The following NALCN variants were observed in gnomAD, a reference collection of about 807,000 sequenced individuals.
NALCN encodes the protein sodium leak channel, non-selective, also known as sodium leak channel NALCN.
NALCN carries 111 observed loss-of-function variants against 225.3 expected under a neutral mutation model. That is an observed-to-expected ratio of 0.49 (90% CI 0.42 to 0.58). NALCN has a LOEUF of 0.58. Ranked by LOEUF, NALCN falls within the 20% of genes least tolerant of loss-of-function variation. The probability of loss-of-function intolerance (pLI) is 0.00; values close to 1 mark genes in which losing one functional copy is unlikely to be tolerated. For synonymous variants in NALCN, 764 were observed against 769.0 expected, an observed-to-expected ratio of 0.99 and a Z score of 0.11; for missense variants, 1,378 against 2,202.4, an observed-to-expected ratio of 0.63 and a Z score of 7.49.
At chr13:101,370,038 GTTAATA>G (rs2046493391) in intron 6 of NALCN, among the ~76,000 whole-genome samples, 1 of 151,894 alleles carries the variant, frequency 6.6e-6, no homozygotes, top group African/African-American at 2.4e-5. Context: ...TTGTCATCAT[GTTAATA>G]TTATCTGTCT....
intron 6 of NALCN, among the ~76,000 whole-genome samples, chr13:101,375,730 C>T (rs1361205828): frequency 6.6e-6 from 1 of 152,036 alleles, no homozygotes; most frequent in Non-Finnish European, 1.5e-5. Context: ...AGACAAATTC[C>T]TATGTGAAGA....
At chr13:101,402,797 G>A (rs1012139253) in intron 1 of NALCN, among the ~76,000 whole-genome samples, 4 of 152,176 alleles carry the variant, frequency 2.6e-5, no homozygotes, top group East Asian at 1.9e-4. Flanking sequence ...CTGAGAGAGC[G>A]ACATGAGCCA....
At chr13:101,293,553 C>T (rs1442476248) in intron 7 of NALCN, among the ~76,000 whole-genome samples, 2 of 152,206 alleles carry the variant, frequency 1.3e-5, no homozygotes, top group African/African-American at 4.8e-5. Context: ...TCCACTCATA[C>T]ATGTTTTAGT....
At chr13:101,081,912 C>G (rs1312967723) in intron 33 of NALCN, among the ~76,000 whole-genome samples, 1 of 152,110 alleles carries the variant, frequency 6.6e-6, no homozygotes, top group Non-Finnish European at 1.5e-5. Context: ...GAGTCTCGCT[C>G]TGTCACCCAG....
intron 6 of NALCN, among the ~76,000 whole-genome samples, chr13:101,354,854 C>T (rs923112485): frequency 6.6e-5 from 10 of 152,106 alleles, no homozygotes; most frequent in African/African-American, 9.7e-5. Context: ...GACATACTAA[C>T]GACTCCCTGA....
chr13:101,397,408 CAT>C (rs1566651363), intron 2 of NALCN, among the ~76,000 whole-genome samples: 1 of 150,230 alleles, frequency 6.7e-6, no homozygotes, highest in Non-Finnish European at 1.5e-5. Flanking sequence ...ACGTATATAA[CAT>C]ATATACATAT....
At chr13:101,144,929 G>A (rs984131017) in intron 15 of NALCN, 33 bp from the exon 16 acceptor site, 3 of 1,593,050 alleles carry the variant, frequency 1.9e-6, no homozygotes, top group African/African-American at 1.4e-5. Context: ...AAAAAAAGGG[G>A]GAACCTATAA....
At chr13:101,395,426 T>C (rs541118372) in intron 2 of NALCN, 61 bp from the exon 3 acceptor site, 2 of 1,511,258 alleles carry the variant, frequency 1.3e-6, no homozygotes, top group East Asian at 4.6e-5. Flanking sequence ...ACTTGTATTA[T>C]GAACCACACT....
chr13:101,266,602 C>T (rs949383944), intron 10 of NALCN, among the ~76,000 whole-genome samples: 8 of 152,152 alleles, frequency 5.3e-5, no homozygotes, highest in African/African-American at 1.9e-4. Flanking sequence ...CTTAGTAAAA[C>T]AAAGTCTCCT....
chr13:101,300,747 C>T (rs570658277), intron 7 of NALCN, among the ~76,000 whole-genome samples: 65 of 152,332 alleles, frequency 4.3e-4, no homozygotes, highest in African/African-American at 1.4e-3. Context: ...AGGCTTGCCA[C>T]GTGGCATATC....
chr13:101,280,262 T>A (rs890178271), intron 10 of NALCN, among the ~76,000 whole-genome samples: 2 of 152,178 alleles, frequency 1.3e-5, no homozygotes, highest in Non-Finnish European at 2.9e-5. Flanking sequence ...TCACACTGAA[T>A]TACCTGACCC....
chr13:101,160,662 T>C (rs1416288744), intron 15 of NALCN, among the ~76,000 whole-genome samples: 1 of 152,146 alleles, frequency 6.6e-6, no homozygotes, highest in Non-Finnish European at 1.5e-5. Flanking sequence ...TTTGTTTTGT[T>C]TTTGTTTTTT....
intron 15 of NALCN, among the ~76,000 whole-genome samples, chr13:101,175,873 T>G (rs2038938248): frequency 6.6e-6 from 1 of 152,234 alleles, no homozygotes; most frequent in Admixed American, 6.5e-5. Context: ...ATACTCACTA[T>G]GGGCACCCAG....
intron 13 of NALCN, among the ~76,000 whole-genome samples, chr13:101,200,676 G>A (rs1429911576): frequency 6.6e-6 from 1 of 152,104 alleles, no homozygotes; most frequent in Non-Finnish European, 1.5e-5. Flanking sequence ...TCATGGCAGA[G>A]CCAGATCATC....
At chr13:101,108,789 A>G (rs916895735) in intron 20 of NALCN, among the ~76,000 whole-genome samples, 1 of 152,224 alleles carries the variant, frequency 6.6e-6, no homozygotes, top group Non-Finnish European at 1.5e-5. Context: ...TAGATTTTAC[A>G]GAAAGCACTC....
intron 13 of NALCN, among the ~76,000 whole-genome samples, chr13:101,210,286 T>C (rs1019042534): frequency 9.9e-5 from 15 of 152,152 alleles, no homozygotes; most frequent in Non-Finnish European, 5.9e-5. Flanking sequence ...GATTTCAACA[T>C]TGATTCCTAG....
At chr13:101,343,397 G>A (rs984010129) in intron 7 of NALCN, among the ~76,000 whole-genome samples, 1 of 152,178 alleles carries the variant, frequency 6.6e-6, no homozygotes. Context: ...AATGAATATT[G>A]CCAACAAAAA....
intron 3 of NALCN, among the ~76,000 whole-genome samples, chr13:101,387,754 C>T (rs1403796125): frequency 6.6e-6 from 1 of 152,056 alleles, no homozygotes; most frequent in African/African-American, 2.4e-5. Flanking sequence ...TATGAGAGGT[C>T]CCCTGAAAGG....
chr13:101,205,951 C>T (rs1399317025), intron 13 of NALCN, among the ~76,000 whole-genome samples: 5 of 151,968 alleles, frequency 3.3e-5, no homozygotes, highest in Admixed American at 6.6e-5. Context: ...ACTATGTTCT[C>T]GCAATACTAT....
Sources: gnomAD v4.1 joint callset for allele counts (sites outside exome capture counted in the v4.1 genomes callset) on GRCh38, gnomAD v4.1.1 for gene constraint, MANE v1.5 for transcripts, NCBI Gene and HGNC (gene_info 2026-07-23, HGNC 2026-07-21) for gene names.